POU6F2: variants seen among roughly 807,000 people sequenced by gnomAD.
POU6F2 encodes the protein POU class 6 homeobox 2, also known as POU domain, class 6, transcription factor 2.
A neutral mutation model predicts 71.3 loss-of-function variants in POU6F2; 31 were observed. That is an observed-to-expected ratio of 0.43 (90% CI 0.33 to 0.59). The LOEUF (loss-of-function observed/expected upper bound fraction) is 0.59. POU6F2 is among the 20% of genes least tolerant of loss of function. POU6F2 has a pLI of 0.04. For missense variants in POU6F2, 783 were observed against 856.8 expected, an observed-to-expected ratio of 0.91 and a Z score of 1.07; for synonymous variants, 347 against 355.7, an observed-to-expected ratio of 0.98 and a Z score of 0.27.
chr7:39,063,509 G>A (rs1790698662), intron 1 of POU6F2, among the ~76,000 whole-genome samples: 1 of 152,134 alleles, frequency 6.6e-6, no homozygotes. Flanking sequence ...GCAAAACAGA[G>A]ACAAAGCCAC....
chr7:39,334,426 AT>A (rs1785722462), intron 4 of POU6F2, among the ~76,000 whole-genome samples: 1 of 152,206 alleles, frequency 6.6e-6, no homozygotes, highest in African/African-American at 2.4e-5. Flanking sequence ...GAATGGGTAC[AT>A]TAGAAGCCAA....
In POU6F2 at chr7:39,204,316, T is replaced by C. The variant is rs1244059469; in HGVS notation, c.359T>C (p.Val120Ala). ...AGTCAGACCCACCCCCCATTTCCAG[T>C]TGGGCCACAGGTCAGTATCTCTCAA... ...QASQTHPPFP[V>A]GPQPLLTAQQ... Residue 120 changes from valine to alanine, a missense_variant, in exon 3 of 10, where the codon GTT becomes GCT. By Grantham distance (64) the Val-to-Ala change is moderately conservative. Transcript: ENST00000518318. 5.6e-6 allele frequency: 9 copies of C among 1,613,334 alleles called. No homozygotes were observed. The highest frequency in any genetic ancestry group is 1.7e-4 in the Middle Eastern group (1 of 6,058).
chr7:39,397,339 TAA>T (rs1434616272), intron 5 of POU6F2, among the ~76,000 whole-genome samples: 2 of 123,638 alleles, frequency 1.6e-5, no homozygotes, highest in African/African-American at 6.0e-5. Flanking sequence ...TATATATATA[TAA>T]AATATATAGA....
In POU6F2 at chr7:39,438,095, A is replaced by G. The variant is rs376848591; in HGVS notation, c.1320+4812A>G. On this transcript the variant is annotated intron_variant, in intron 7 of 9. Transcript: ENST00000518318. Reference sequence around the variant, plus strand: ...TATCTCCTAATGCTATCTCTCCCCCATCCCCCTACCCCACAACAGGCCCCG... The same window carrying G: ...TATCTCCTAATGCTATCTCTCCCCCGTCCCCCTACCCCACAACAGGCCCCG... Among the ~76,000 whole-genome samples, 15 of 151,618 alleles carry G rather than the reference A, an allele frequency of 9.9e-5. No homozygotes were observed. The East Asian group carries it at 2.5e-3, about 25-fold the overall frequency.
At chr7:39,130,066 CAAAAAA>C (rs572365688) in intron 2 of POU6F2, among the ~76,000 whole-genome samples, 40 of 44,576 alleles carry the variant, frequency 9.0e-4, no homozygotes, top group Admixed American at 1.5e-3. Flanking sequence ...GACTCCATCT[CAAAAAA>C]AAAAAAAAAA....
At chr7:39,257,423 T>G (rs536285442) in intron 4 of POU6F2, among the ~76,000 whole-genome samples, 7 of 152,316 alleles carry the variant, frequency 4.6e-5, no homozygotes, top group Non-Finnish European at 1.0e-4. Flanking sequence ...ACAGTGAACT[T>G]TTAAATTCCT....
At chr7:39,045,764 G>C (rs998967533) in intron 1 of POU6F2, among the ~76,000 whole-genome samples, 3 of 151,770 alleles carry the variant, frequency 2.0e-5, no homozygotes, top group Admixed American at 6.6e-5. Context: ...TCTGCTTTCT[G>C]TCACTACAAA....
rs189906037 is a variant in POU6F2, at chr7:39,246,985, C to T, written c.598+39365C>T. On this transcript the variant is annotated intron_variant, in intron 4 of 9. Transcript: ENST00000518318. ...TGAGTGCAATGGCGCGATCTCGGCTCACTGCAACCTCCATCTCCAGGGTGG... is the reference window on the plus strand; with the variant it reads ...TGAGTGCAATGGCGCGATCTCGGCTTACTGCAACCTCCATCTCCAGGGTGG... 2.1e-5 allele frequency among the ~76,000 whole-genome samples: 3 copies of T among 143,870 alleles called. No individual in the cohort carries two copies. The East Asian group carries it at 6.3e-4, about 30-fold the overall frequency. The allele number at this position is 143,870 out of a possible 152,430, so 94.4% of individuals were successfully genotyped here. A position where few individuals can be genotyped will look rare whatever the true frequency, so the allele number is the denominator to read the frequency against.
intron 2 of POU6F2, among the ~76,000 whole-genome samples, chr7:39,108,034 G>A (rs528425028): frequency 8.5e-5 from 13 of 152,260 alleles, no homozygotes; most frequent in African/African-American, 2.6e-4. Context: ...AGCAACAGAT[G>A]GTTTCAACAC....
chr7:39,027,490 C>T (rs1374366715), intron 1 of POU6F2, among the ~76,000 whole-genome samples: 1 of 152,176 alleles, frequency 6.6e-6, no homozygotes. Flanking sequence ...TCAGGGATCT[C>T]CATGGAAAGG....
chr7:39,005,689 A>G (rs1789045901), intron 1 of POU6F2, among the ~76,000 whole-genome samples: 1 of 151,922 alleles, frequency 6.6e-6, no homozygotes, highest in Non-Finnish European at 1.5e-5. Context: ...GTATAAATGC[A>G]AGAGAATGGA....
At chr7:39,375,621 T>A (rs1441249748) in intron 5 of POU6F2, among the ~76,000 whole-genome samples, 1 of 142,866 alleles carries the variant, frequency 7.0e-6, no homozygotes, top group Non-Finnish European at 1.6e-5. Context: ...TGCTTCCTCC[T>A]TGATTTTTTT....
At chr7:39,133,689 A>G (rs755196010) in intron 2 of POU6F2, among the ~76,000 whole-genome samples, 5 of 152,070 alleles carry the variant, frequency 3.3e-5, no homozygotes, top group Admixed American at 6.5e-5. Flanking sequence ...CTTAGTGTCA[A>G]CCTAACACCT....
intron 2 of POU6F2, among the ~76,000 whole-genome samples, chr7:39,153,644 ACTGATTAAG>A (rs1792804252): frequency 6.6e-6 from 1 of 152,190 alleles, no homozygotes; most frequent in Non-Finnish European, 1.5e-5. Flanking sequence ...GAACAGATAC[ACTGATTAAG>A]CTGATTTTTT....
chr7:39,345,101 T>TAAC (rs1786003391), intron 5 of POU6F2, among the ~76,000 whole-genome samples: 1 of 152,184 alleles, frequency 6.6e-6, no homozygotes, highest in Non-Finnish European at 1.5e-5. Flanking sequence ...GCAGGATCAG[T>TAAC]AACAGTATTG....
intron 2 of POU6F2, among the ~76,000 whole-genome samples, chr7:39,128,437 G>A (rs1447351053): frequency 1.3e-5 from 2 of 152,150 alleles, no homozygotes; most frequent in African/African-American, 4.8e-5. Flanking sequence ...GCAGAGCTAG[G>A]CAGCTAGCCT....
chr7:39,396,717 G>C (rs984420117), intron 5 of POU6F2, among the ~76,000 whole-genome samples: 1 of 152,060 alleles, frequency 6.6e-6, no homozygotes, highest in Non-Finnish European at 1.5e-5. Flanking sequence ...CCAGCGCCTG[G>C]CCTCAAAGCA....
chr7:39,438,031 G>C (rs1788290004), intron 7 of POU6F2, among the ~76,000 whole-genome samples: 1 of 151,896 alleles, frequency 6.6e-6, no homozygotes, highest in East Asian at 1.9e-4. Flanking sequence ...GTGCCATGTT[G>C]GTGTGCTACA....
chr7:39,358,873 T>TAAAAAAAAAAA (rs10626884), intron 5 of POU6F2, among the ~76,000 whole-genome samples: 1 of 134,410 alleles, frequency 7.4e-6, no homozygotes, highest in Non-Finnish European at 1.6e-5. Flanking sequence ...CTTCTGTATT[T>TAAAAAAAAAAA]AAAAAAAAAA....
Sources: allele counts gnomAD v4.1 joint callset (sites outside exome capture counted in the v4.1 genomes callset), GRCh38; gene constraint gnomAD v4.1.1; transcripts MANE v1.5; gene names NCBI Gene and HGNC (gene_info 2026-07-23, HGNC 2026-07-21).